The following H2BC26 variants were observed in gnomAD, a reference collection of about 807,000 sequenced individuals.
H2BC26 encodes the protein histone H2B type 3-B.
the H2BC26 span, chr1:228,458,208 G>A: frequency 1.1e-5 from 17 of 1,614,096 alleles, no homozygotes; most frequent in Middle Eastern, 8.3e-4. Context: ...GAAGAAGGAC[G>A]GCAAGAAGCG....
the H2BC26 span, chr1:228,458,351 C>A: frequency 1.6e-5 from 26 of 1,614,072 alleles, no homozygotes; most frequent in Non-Finnish European, 2.1e-5. Context: ...TCGAGCGCAT[C>A]GCCAGCGAGG....
chr1:228,458,210 C>T, the H2BC26 span: 15 of 1,614,038 alleles, frequency 9.3e-6, no homozygotes, highest in Middle Eastern at 6.6e-4. Context: ...AGAAGGACGG[C>T]AAGAAGCGCA....
the H2BC26 span, chr1:228,458,528 T>G: frequency 1.7e-4 from 269 of 1,614,078 alleles, no homozygotes; most frequent in Admixed American, 2.2e-4. Flanking sequence ...CTCGGCGTCC[T>G]GAACCCAAAG....
the H2BC26 span, chr1:228,458,159 G>C: frequency 6.2e-7 from 1 of 1,610,994 alleles, no homozygotes; most frequent in Non-Finnish European, 8.5e-7. Context: ...CGGCTCCTGC[G>C]CCCAAGAAGG....
the H2BC26 span, chr1:228,458,495 C>T: frequency 5.1e-5 from 82 of 1,614,090 alleles, 1 homozygote; most frequent in South Asian, 8.0e-4. Context: ...TCACCAAGTA[C>T]ACCAGCTCCA....
chr1:228,458,343 G>A, the H2BC26 span: 1 of 1,614,186 alleles, frequency 6.2e-7, no homozygotes, highest in Admixed American at 1.7e-5. Flanking sequence ...TGACATCTTC[G>A]AGCGCATCGC....
the H2BC26 span, chr1:228,458,542 C>T: frequency 6.2e-7 from 1 of 1,613,872 alleles, no homozygotes; most frequent in Non-Finnish European, 8.5e-7. Flanking sequence ...CCCAAAGGCT[C>T]TTTTCAGAGC....
At chr1:228,458,162 C>A in the H2BC26 span, 1 of 1,612,200 alleles carries the variant, frequency 6.2e-7, no homozygotes, top group African/African-American at 1.3e-5. Context: ...CTCCTGCGCC[C>A]AAGAAGGGTT....
the H2BC26 span, chr1:228,458,230 G>A: frequency 5.0e-6 from 8 of 1,614,210 alleles, no homozygotes; most frequent in South Asian, 1.1e-5. Context: ...AAGCGCGGCC[G>A]CAAGGAGAGC....
the H2BC26 span, chr1:228,458,408 C>T: frequency 2.2e-5 from 36 of 1,614,084 alleles, no homozygotes; most frequent in Middle Eastern, 1.6e-4. Context: ...TCACGTCCCG[C>T]GAAGTGCAGA....
At chr1:228,458,103 G>A in the H2BC26 span, 7 of 1,551,914 alleles carry the variant, frequency 4.5e-6, no homozygotes, top group Non-Finnish European at 4.3e-6. Flanking sequence ...AGCGCCGCGC[G>A]TTTCTGTTTG....
At chr1:228,458,533 C>T in the H2BC26 span, 5 of 1,614,068 alleles carry the variant, frequency 3.1e-6, no homozygotes, top group South Asian at 1.1e-5. Context: ...CGTCCTGAAC[C>T]CAAAGGCTCT....
chr1:228,458,501 C>T, the H2BC26 span: 2 of 1,614,210 alleles, frequency 1.2e-6, no homozygotes, highest in African/African-American at 1.3e-5. Context: ...AGTACACCAG[C>T]TCCAAGTGAG....
At chr1:228,458,288 C>G in the H2BC26 span, 7 of 1,614,090 alleles carry the variant, frequency 4.3e-6, no homozygotes, top group African/African-American at 9.3e-5. Context: ...ACCCCGACAC[C>G]GGCATCTCGT....
the H2BC26 span, chr1:228,458,191 A>G: frequency 6.2e-7 from 1 of 1,614,148 alleles, no homozygotes. Flanking sequence ...GCTGTCACCA[A>G]GGCACAGAAG....
chr1:228,458,377 A>G, the H2BC26 span: 3 of 1,614,094 alleles, frequency 1.9e-6, no homozygotes, highest in South Asian at 1.1e-5. Flanking sequence ...CGCCTGGCAC[A>G]CTACAACAAG....
the H2BC26 span, chr1:228,458,352 G>A: frequency 6.2e-7 from 1 of 1,614,150 alleles, no homozygotes; most frequent in Non-Finnish European, 8.5e-7. Context: ...CGAGCGCATC[G>A]CCAGCGAGGC....
At chr1:228,458,551 G>A in the H2BC26 span, 2 of 1,613,496 alleles carry the variant, frequency 1.2e-6, no homozygotes, top group Non-Finnish European at 1.7e-6. Flanking sequence ...TCTTTTCAGA[G>A]CCACCCACAC....
the H2BC26 span, chr1:228,458,516 T>TA: frequency 6.2e-7 from 1 of 1,614,098 alleles, no homozygotes; most frequent in South Asian, 1.1e-5. Flanking sequence ...AGTGAGGCGT[T>TA]CCTCGGCGTC....
Sources: gnomAD v4.1 joint callset for allele counts on GRCh38, gnomAD v4.1.1 for gene constraint, MANE v1.5 for transcripts, NCBI Gene and HGNC (gene_info 2026-07-23, HGNC 2026-07-21) for gene names.